The following PIP5K1B variants were observed in gnomAD, a reference collection of about 807,000 sequenced individuals.
PIP5K1B encodes phosphatidylinositol-4-phosphate 5-kinase type 1 beta.
A neutral mutation model predicts 67.0 loss-of-function variants in PIP5K1B; 42 were observed. The ratio of observed to expected loss-of-function variants is 0.63; its 90% CI spans 0.49 to 0.81. PIP5K1B has a LOEUF of 0.81. PIP5K1B is among the 30% of genes least tolerant of loss of function. PIP5K1B has a pLI of 0.00. For synonymous variants in PIP5K1B, 214 were observed against 231.4 expected (o/e 0.92, Z 0.68); for missense variants, 459 against 646.3 (o/e 0.71, Z 3.14).
At chr9:68,724,008 T>TA (rs1828031263) in intron 1 of PIP5K1B, among the ~76,000 whole-genome samples, 1 of 152,086 alleles carries the variant, frequency 6.6e-6, no homozygotes, top group Non-Finnish European at 1.5e-5. Flanking sequence ...TTTTAGGCCT[T>TA]ACATTTAAGT....
intron 2 of PIP5K1B, among the ~76,000 whole-genome samples, chr9:68,771,675 G>GTGATAA (rs1830676796): frequency 1.3e-5 from 2 of 152,180 alleles, no homozygotes; most frequent in African/African-American, 2.4e-5. Context: ...CTACCATCAT[G>GTGATAA]TGATAATGAT....
intron 8 of PIP5K1B, among the ~76,000 whole-genome samples, chr9:68,899,132 CCA>C (rs1825236259): frequency 1.3e-5 from 2 of 152,148 alleles, no homozygotes; most frequent in Admixed American, 1.3e-4. Flanking sequence ...AATCTACTGG[CCA>C]CATTCTCTAA....
At chr9:68,937,310 G>A (rs1827316795) in intron 13 of PIP5K1B, among the ~76,000 whole-genome samples, 1 of 152,158 alleles carries the variant, frequency 6.6e-6, no homozygotes, top group South Asian at 2.1e-4. Flanking sequence ...TTTATTCAGG[G>A]ATTCGACTTC....
At chr9:68,946,643 C>T (rs199897980) in intron 14 of PIP5K1B, among the ~76,000 whole-genome samples, 112 of 152,268 alleles carry the variant, frequency 7.4e-4, no homozygotes, top group African/African-American at 2.5e-3. Context: ...GTCTGCCCGC[C>T]TCAGCCTCCA....
chr9:68,877,039 A>T (rs2132319971), intron 6 of PIP5K1B, among the ~76,000 whole-genome samples: 1 of 152,350 alleles, frequency 6.6e-6, no homozygotes, highest in South Asian at 2.1e-4. Context: ...ATCAGTTGTG[A>T]CTTCAGATAA....
intron 2 of PIP5K1B, among the ~76,000 whole-genome samples, chr9:68,792,397 G>C (rs1289704910): frequency 1.3e-5 from 2 of 152,178 alleles, no homozygotes; most frequent in Admixed American, 6.5e-5. Context: ...TTACAACACA[G>C]TGCCATTTAG....
chr9:68,708,945 G>A (rs781620370), intron 1 of PIP5K1B, among the ~76,000 whole-genome samples: 5 of 152,132 alleles, frequency 3.3e-5, no homozygotes, highest in Admixed American at 6.5e-5. Context: ...TAGAAGTACC[G>A]TTTATGGGTA....
At chr9:68,769,381 T>C (rs1193883695) in intron 2 of PIP5K1B, among the ~76,000 whole-genome samples, 1 of 152,188 alleles carries the variant, frequency 6.6e-6, no homozygotes, top group East Asian at 1.9e-4. Flanking sequence ...TTCTAGCTTA[T>C]ATTCTACATC....
intron 4 of PIP5K1B, among the ~76,000 whole-genome samples, chr9:68,839,161 A>G (rs1264401756): frequency 1.3e-5 from 2 of 152,186 alleles, no homozygotes; most frequent in African/African-American, 4.8e-5. Flanking sequence ...TTTGCCTGAA[A>G]GTCTGTGCTT....
chr9:68,919,494 A>G lies in PIP5K1B; in HGVS notation c.999A>G (p.Pro333=). 6.3e-7 allele frequency: 1 copy of G among 1,577,028 alleles called. No homozygotes were observed. The highest frequency in any genetic ancestry group is 8.7e-7 in the Non-Finnish European group (1 of 1,152,820). ...CCATCAACAGAATGGGAGGCATTCC[A>G]GCTAAAAGCCATAGGGGAGAAAAAC... ...TENPDTMGGI[P]AKSHRGEKLL... is the part of the protein sequence containing the mutation. Residue 333 remains proline, a synonymous_variant, in exon 10 of 16, where the codon CCA becomes CCG. Coordinates refer to ENST00000265382, the MANE Select transcript of PIP5K1B (RefSeq NM_003558.4).
At chr9:68,817,104 A>G (rs1328012880) in intron 2 of PIP5K1B, among the ~76,000 whole-genome samples, 1 of 152,258 alleles carries the variant, frequency 6.6e-6, no homozygotes, top group Non-Finnish European at 1.5e-5. Context: ...GTCAAAGGGC[A>G]TGAACTGGAA....
At chr9:68,863,632 C>CA (rs1051019381) in intron 4 of PIP5K1B, among the ~76,000 whole-genome samples, 7 of 152,092 alleles carry the variant, frequency 4.6e-5, no homozygotes, top group African/African-American at 1.2e-4. Context: ...AACATTATCA[C>CA]AAAAAACATT....
chr9:68,879,804 A>G (rs940054876), intron 6 of PIP5K1B, among the ~76,000 whole-genome samples: 3 of 152,118 alleles, frequency 2.0e-5, no homozygotes, highest in Admixed American at 6.6e-5. Context: ...TAAAATATGT[A>G]TAACTATTAT....
intron 1 of PIP5K1B, among the ~76,000 whole-genome samples, chr9:68,740,232 G>C (rs1828939284): frequency 6.6e-6 from 1 of 152,220 alleles, no homozygotes; most frequent in African/African-American, 2.4e-5. Context: ...CTTTTGGTAA[G>C]ATTTAGATGT....
chr9:68,981,597 A>C (rs1271106724), intron 14 of PIP5K1B, among the ~76,000 whole-genome samples: 1 of 152,196 alleles, frequency 6.6e-6, no homozygotes, highest in Non-Finnish European at 1.5e-5. Context: ...ATGACTTTTA[A>C]AAGACAAAAA....
At chr9:68,946,414 T>G (rs1827806038) in intron 14 of PIP5K1B, among the ~76,000 whole-genome samples, 1 of 151,996 alleles carries the variant, frequency 6.6e-6, no homozygotes, top group Non-Finnish European at 1.5e-5. Flanking sequence ...GTTTTTTTTT[T>G]GAGACAGAGT....
chr9:68,916,829 G>A (rs1007810827), intron 8 of PIP5K1B, among the ~76,000 whole-genome samples: 10 of 151,584 alleles, frequency 6.6e-5, no homozygotes, highest in African/African-American at 1.9e-4. Flanking sequence ...CTGAGATTGC[G>A]CTAGTGCACT....
At chr9:68,746,186 CT>C (rs2132333174) in intron 2 of PIP5K1B, among the ~76,000 whole-genome samples, 1 of 149,632 alleles carries the variant, frequency 6.7e-6, no homozygotes, top group South Asian at 2.1e-4. Context: ...TCATGCTACT[CT>C]TGTGCCTCAG....
intron 2 of PIP5K1B, among the ~76,000 whole-genome samples, chr9:68,767,450 C>T (rs1252705093): frequency 6.6e-6 from 1 of 151,884 alleles, no homozygotes; most frequent in Non-Finnish European, 1.5e-5. Flanking sequence ...AAAAATTAGC[C>T]AGGTGTGGTG....
Sources: gnomAD v4.1 joint callset for allele counts (sites outside exome capture counted in the v4.1 genomes callset) on GRCh38, gnomAD v4.1.1 for gene constraint, MANE v1.5 for transcripts, NCBI Gene and HGNC (gene_info 2026-07-23, HGNC 2026-07-21) for gene names.